The following F12 variants were observed in gnomAD, a reference collection of about 807,000 sequenced individuals.
The protein encoded by F12 is Hageman factor.
F12 carries 70 observed loss-of-function variants against 74.8 expected under a neutral mutation model. The ratio of observed to expected loss-of-function variants is 0.94; its 90% CI spans 0.77 to 1.14. The LOEUF (loss-of-function observed/expected upper bound fraction) is 1.14. Among genes scored for constraint, F12 ranks in the 50% most tolerant of loss-of-function variants. The pLI, the probability that F12 is intolerant of heterozygous loss-of-function variation, is 0.00. For synonymous variants in F12, 373 were observed against 356.4 expected (o/e 1.05, Z -0.52); for missense variants, 811 against 835.7 (o/e 0.97, Z 0.36).
Position 177,403,624 on chromosome 5 carries a change from G to C in F12, c.1251-7C>G, listed in dbSNP as rs375340260. 7.5e-5 allele frequency: 120 copies of C among 1,602,654 alleles called. No individual in the cohort carries two copies. The highest frequency in any genetic ancestry group is 8.0e-5 in the Non-Finnish European group (94 of 1,178,704). On this transcript the variant is annotated splice_polypyrimidine_tract_variant and splice_region_variant and intron_variant, in intron 10 of 13. Coordinates refer to ENST00000253496, the MANE Select transcript of F12 (RefSeq NM_000505.4). ...CAGATCCTCGGGTGCGGGCCTGCGGGGGGGGTAGGGGAGAGGCAGCGCTCT... is the reference window on the plus strand; with the variant it reads ...CAGATCCTCGGGTGCGGGCCTGCGGCGGGGGTAGGGGAGAGGCAGCGCTCT...
Position 177,403,520 on chromosome 5 carries a change from G to A in F12, c.1348C>T (p.His450Tyr). Residue 450 changes from histidine (H) to tyrosine (Y), a missense_variant, in exon 11 of 14, where the codon CAC becomes TAC. Physicochemically the swap from His to Tyr is moderately conservative, Grantham distance 83. Coordinates refer to ENST00000253496, the MANE Select transcript of F12 (RefSeq NM_000505.4). ...QTLAVRSYRL[H>Y]EAFSPVSYQH... ...TAGCTGACGGGCGAGAAGGCCTCGTGCAAGCGGTAGGAGCGCACGGCCAAC... is the reference window on the plus strand; with the variant it reads ...TAGCTGACGGGCGAGAAGGCCTCGTACAAGCGGTAGGAGCGCACGGCCAAC... 1 of 1,583,470 alleles carries A rather than the reference G, an allele frequency of 6.3e-7. No individual in the cohort carries two copies. Among genetic ancestry groups the A allele is most frequent in the Non-Finnish European group, 8.6e-7 (1 of 1,168,520 alleles).
At chr5:177,402,794 T>A (rs527444155) in intron 12 of F12, 96 bp from the exon 13 acceptor site, 3 of 1,530,532 alleles carry the variant, frequency 2.0e-6, no homozygotes, top group African/African-American at 2.7e-5. Flanking sequence ...AACCCACTCA[T>A]GCCCTTCCTC....
At chr5:177,407,269 T>C (rs1763314838) in intron 2 of F12, among the ~76,000 whole-genome samples, 1 of 152,226 alleles carries the variant, frequency 6.6e-6, no homozygotes, top group South Asian at 2.1e-4. Context: ...TGTGATTTTA[T>C]AGAACATAAC....
Position 177,404,110 on chromosome 5 carries a change from G to A in F12, c.1019-20C>T. On this transcript the variant is annotated intron_variant, in intron 9 of 13. Transcript: ENST00000253496. ...GCAAGGCTGTGGAGGAGCAGGGGCT[G>A]AGGACGGAGAGCCCGCGGCCGGCTG... 1 of 1,597,134 alleles carries A rather than the reference G, an allele frequency of 6.3e-7. No individual in the cohort carries two copies. The highest frequency in any genetic ancestry group is 8.5e-7 in the Non-Finnish European group (1 of 1,174,608).
In F12 at chr5:177,404,076, G is replaced by C. The variant is rs1167172083; in HGVS notation, c.1033C>G (p.Arg345Gly). 3.8e-5 allele frequency: 61 copies of C among 1,602,326 alleles called. No individual in the cohort carries two copies. The highest frequency in any genetic ancestry group is 4.9e-5 in the Non-Finnish European group (58 of 1,178,974). ...SQTPGALPAK[R>G]EQPPSLTRNG... ...CTGGTCAGGGAAGGCGGCTGCTCCCGCTTCGCCGGCAAGGCTGTGGAGGAG... is the reference window on the plus strand; with the variant it reads ...CTGGTCAGGGAAGGCGGCTGCTCCCCCTTCGCCGGCAAGGCTGTGGAGGAG... The change falls in exon 10 of 14, where the codon CGG (arginine) becomes GGG (glycine). Residue 345 changes from arginine (R) to glycine (G), a missense_variant. Arg to Gly is a moderately radical substitution (Grantham distance 125). Coordinates refer to ENST00000253496, the MANE Select transcript of F12 (RefSeq NM_000505.4).
chr5:177,403,535 G>A lies in F12; in HGVS notation c.1333C>T (p.Arg445Cys). 2 of 1,592,510 alleles carry A rather than the reference G, an allele frequency of 1.3e-6. No individual in the cohort carries two copies. ...AAGGCCTCGTGCAAGCGGTAGGAGCGCACGGCCAACGTCTGGCACGGCTCA... is the reference window on the plus strand; with the variant it reads ...AAGGCCTCGTGCAAGCGGTAGGAGCACACGGCCAACGTCTGGCACGGCTCA... ...SCEPCQTLAVRSYRLHEAFSP... is the reference protein window; with the variant it reads ...SCEPCQTLAVCSYRLHEAFSP... Residue 445 changes from arginine (R) to cysteine (C), a missense_variant, in exon 11 of 14, where the codon CGC (arginine) becomes TGC (cysteine). Physicochemically the swap from Arg to Cys is radical, Grantham distance 180 (BLOSUM62 -3). Coordinates refer to ENST00000253496, the MANE Select transcript of F12 (RefSeq NM_000505.4).
Position 177,404,563 on chromosome 5 carries a change from T to A in F12, c.736A>T (p.Thr246Ser). 6.2e-7 allele frequency: 1 copy of A among 1,606,558 alleles called. No individual in the cohort carries two copies. The highest frequency in any genetic ancestry group is 1.1e-5 in the South Asian group (1 of 90,422). The change falls in exon 8 of 14, where the codon ACC becomes TCC. Residue 246 changes from threonine to serine, a missense_variant. Coordinates refer to ENST00000253496, the MANE Select transcript of F12 (RefSeq NM_000505.4). ...APCQPWASEA[T>S]YRNVTAEQAR... ...TGCTCGGCAGTCACGTTCCGGTAGG[T>A]GGCCTCCGAGGCCCACGGCTGACAG... is the stretch of plus-strand genomic sequence containing the variant.
rs748271699 is a variant in F12 at position 177,403,310 on chromosome 5, G to A, written c.1475C>T (p.Ala492Val). The A allele has an allele frequency of 1.3e-6, 2 of 1,599,618 alleles. No homozygotes were observed. Among genetic ancestry groups the A allele is most frequent in the Non-Finnish European group, 1.7e-6 (2 of 1,179,802 alleles). The stretch of plus-strand genomic sequence containing the variant: ...GCAGAGCGTGGTCTCGGAGGGTCGC[G>A]CGGCGCCGCTTGGCAGGCACACCGG... ...VQPVCLPSGAARPSETTLCQV... is the reference protein window; with the variant it reads ...VQPVCLPSGAVRPSETTLCQV... Residue 492 changes from alanine to valine, a missense_variant, in exon 12 of 14, where the codon GCG (alanine) becomes GTG (valine). Coordinates refer to ENST00000253496, the MANE Select transcript of F12 (RefSeq NM_000505.4).
chr5:177,409,232 T>C, intron 1 of F12, 129 bp from the exon 2 acceptor site: 1 of 1,071,320 alleles, frequency 9.3e-7, no homozygotes, highest in Admixed American at 2.0e-5. Context: ...AAACCCTTTC[T>C]ACCTCCCCCC....
In F12 at chr5:177,405,324, T is replaced by A. The variant is rs2127360741; in HGVS notation, c.396A>T (p.Lys132Asn). ...PQHLTGNHCQKEKCFEPQLLR... is the reference protein window; with the variant it reads ...PQHLTGNHCQNEKCFEPQLLR... ...CCCAGGTCCTCCACATCTCCTCACC[T>A]TTCTGGCAGTGGTTTCCAGTGAGGT... The change falls in exon 5 of 14, where the codon AAA (lysine) becomes AAT (asparagine). Residue 132 changes from lysine (K) to asparagine (N), a missense_variant and splice_region_variant. Lys to Asn is a moderately conservative substitution (Grantham distance 94). Transcript: ENST00000253496. The A allele has an allele frequency of 6.2e-7, 1 of 1,614,094 alleles. No homozygotes were observed. The highest frequency in any genetic ancestry group is 1.6e-4 in the Middle Eastern group (1 of 6,062).
At chr5:177,406,211 G>A (rs1367481302) in intron 2 of F12, 150 bp from the exon 3 acceptor site, 29 of 736,582 alleles carry the variant, frequency 3.9e-5, no homozygotes, top group African/African-American at 1.2e-4. Context: ...GTTCAGGGCC[G>A]GGCGCGGTGG....
Position 177,404,597 on chromosome 5 carries a change from C to G in F12, c.702G>C (p.Ser234=), listed in dbSNP as rs747603232. 1.9e-6 allele frequency: 3 copies of G among 1,608,568 alleles called. No homozygotes were observed. The highest frequency in any genetic ancestry group is 2.2e-5 in the South Asian group (2 of 90,932). ...SYRGLARTTL[S]GAPCQPWASE... ...AGGCCCACGGCTGACAGGGCGCACCCGAGAGCGTGGTCCTGGCCAGGCCGC... is the reference window on the plus strand; with the variant it reads ...AGGCCCACGGCTGACAGGGCGCACCGGAGAGCGTGGTCCTGGCCAGGCCGC... The change falls in exon 8 of 14, where the codon TCG becomes TCC. Residue 234 remains serine, a synonymous_variant. Transcript: ENST00000253496.
At chr5:177,403,695 C>T in intron 10 of F12, 78 bp from the exon 11 acceptor site, 1 of 1,555,940 alleles carries the variant, frequency 6.4e-7, no homozygotes, top group Non-Finnish European at 8.7e-7. Context: ...GCTCCCGAAC[C>T]CCAATCCCGT....
intron 2 of F12, 110 bp downstream of exon 2, chr5:177,408,936 T>C: frequency 9.6e-7 from 1 of 1,044,710 alleles, no homozygotes; most frequent in Non-Finnish European, 1.4e-6. Flanking sequence ...CCCATGGGCA[T>C]AAGACCTAGC....
Position 177,404,296 on chromosome 5 carries a change from C to G in F12, c.918G>C (p.Pro306=). Residue 306 remains proline, a synonymous_variant, in exon 9 of 14, where the codon CCG becomes CCC. Coordinates refer to ENST00000253496, the MANE Select transcript of F12 (RefSeq NM_000505.4). ...QTPTQAAPPT[P]VSPRLHVPLM... is the part of the protein sequence containing the mutation. ...GTGGGACATGAAGCCTAGGGGACAC[C>G]GGGGTCGGAGGCGCCGCCTGGGTTG... 2 of 1,600,748 alleles carry G rather than the reference C, an allele frequency of 1.2e-6. No homozygotes were observed. Among genetic ancestry groups the G allele is most frequent in the South Asian group, 1.1e-5 (1 of 89,818 alleles).
intron 11 of F12, 34 bp from the exon 12 acceptor site, chr5:177,403,431 C>T (rs1332400955): frequency 8.9e-6 from 14 of 1,569,238 alleles, no homozygotes; most frequent in Non-Finnish European, 1.0e-5. Flanking sequence ...GAGGCGGGGA[C>T]GCCGGGGCCC....
chr5:177,408,855 A>C (rs1763345891), intron 2 of F12, among the ~76,000 whole-genome samples, 191 bp downstream of exon 2: 1 of 152,250 alleles, frequency 6.6e-6, no homozygotes, highest in Non-Finnish European at 1.5e-5. Flanking sequence ...GCTCCGAGCC[A>C]GGCTCGTGGG....
In F12 at chr5:177,406,405, T is replaced by C. The variant is rs181692961; in HGVS notation, c.116-344A>G. On this transcript the variant is annotated intron_variant, in intron 2 of 13. Transcript: ENST00000253496. ...TCGGGAGGCCGAGGCAGGAGAATGG[T>C]GTGAACCCGGGAGGCGGAGCTTGCA... Among the ~76,000 whole-genome samples the C allele has an allele frequency of 1.3e-3, 204 of 151,852 alleles. 2 individuals carry two copies. The highest frequency in any genetic ancestry group is 3.9e-3 in the African/African-American group (160 of 41,386).
rs533174658 is a variant in F12 at position 177,408,258 on chromosome 5, G to A, written c.115+788C>T. ...TTTAGTAGAGACAGCATTTCACCAT[G>A]TTGGCCAGGCTGGTCTCGAACTCCT... On this transcript the variant is annotated intron_variant, in intron 2 of 13. Coordinates refer to ENST00000253496, the MANE Select transcript of F12 (RefSeq NM_000505.4). Among the ~76,000 whole-genome samples the A allele has an allele frequency of 5.1e-4, 77 of 152,162 alleles. 4 individuals are homozygous for A. In the South Asian group the frequency reaches 0.015, roughly 30 times the overall value.
Sources: gnomAD v4.1 joint callset for allele counts (sites outside exome capture counted in the v4.1 genomes callset) on GRCh38, gnomAD v4.1.1 for gene constraint, MANE v1.5 for transcripts, NCBI Gene and HGNC (gene_info 2026-07-23, HGNC 2026-07-21) for gene names.